DUSP22: variants seen among roughly 807,000 people sequenced by gnomAD.
The protein encoded by DUSP22 is dual specificity phosphatase 22, also known as dual specificity protein phosphatase 22.
In DUSP22, 24 loss-of-function variants were observed where a neutral mutation model predicts 24.5. That is an observed-to-expected ratio of 0.98 (90% CI 0.71 to 1.38). DUSP22 has a LOEUF of 1.38. Ranked by LOEUF, DUSP22 falls within the 40% of genes most tolerant of loss-of-function variation. DUSP22 has a pLI of 0.00. For missense variants in DUSP22, 330 were observed against 269.2 expected (o/e 1.23, Z -1.58); for synonymous variants, 160 against 106.4 (o/e 1.50, Z -3.10).
Position 311,967 on chromosome 6 carries a change from G to T in DUSP22, c.138+5G>T. 6.2e-7 allele frequency: 1 copy of T among 1,610,498 alleles called. No homozygotes were observed. Among genetic ancestry groups the T allele is most frequent in the South Asian group, 1.1e-5 (1 of 90,682 alleles). ...AGTGCCAGGCCTATGTTGGAGGTAA[G>T]AGAGCACCGTGGGGCGTGTGTGGGT... On this transcript the variant is annotated splice_donor_5th_base_variant and intron_variant, in intron 3 of 6. Coordinates refer to ENST00000419235, the MANE Select transcript of DUSP22 (RefSeq NM_001286555.3).
chr6:350,470 C>T lies in DUSP22; in HGVS notation c.*1519C>T, dbSNP rs1760143205. ...CTCTGAATTCCACCACAAAAAGAGA[C>T]CCTGAATAAGAAGAGCAGTTTTCCT... On this transcript the variant is annotated 3_prime_UTR_variant, in exon 7 of 7. Coordinates refer to ENST00000419235, the MANE Select transcript of DUSP22 (RefSeq NM_001286555.3). 1.7e-6 allele frequency: 2 copies of T among 1,162,044 alleles called. No individual in the cohort carries two copies. Among genetic ancestry groups the T allele is most frequent in the African/African-American group, 1.6e-5 (1 of 62,614 alleles). The allele number at this position is 1,162,044 out of a possible 1,614,324, so 72.0% of individuals were successfully genotyped here.
Position 335,265 on chromosome 6 carries a change from G to T in DUSP22, c.188+102G>T, listed in dbSNP as rs111233466. ...GACTGTGAAGTTGTCAGAGCTCACG[G>T]GACCCTTGCTGACCCTGCCAGGGAA... is the stretch of plus-strand genomic sequence containing the variant. On this transcript the variant is annotated intron_variant, in intron 4 of 6. Transcript: ENST00000419235. 11 of 1,456,898 alleles carry T rather than the reference G, an allele frequency of 7.6e-6. No individual in the cohort carries two copies. The African/African-American group carries it at 1.1e-4, about 15-fold the overall frequency. The allele number at this position is 1,456,898 out of a possible 1,614,324, so 90.2% of individuals were successfully genotyped here.
At chr6:343,960 G>C (rs916562844) in intron 4 of DUSP22, among the ~76,000 whole-genome samples, 4 of 152,308 alleles carry the variant, frequency 2.6e-5, no homozygotes, top group Admixed American at 2.0e-4. Context: ...GGCAACTTTT[G>C]CTGTTTTATA....
chr6:344,604 G>A (rs1759769175), intron 4 of DUSP22, among the ~76,000 whole-genome samples: 1 of 152,302 alleles, frequency 6.6e-6, no homozygotes, highest in Non-Finnish European at 1.5e-5. Flanking sequence ...TAGGACTTCA[G>A]AGTTTGCAGA....
Position 297,374 on chromosome 6 carries a change from G to A in DUSP22, c.21+4814G>A, listed in dbSNP as rs566308569. Among the ~76,000 whole-genome samples, 34 of 152,416 alleles carry A rather than the reference G, an allele frequency of 2.2e-4. No homozygotes were observed. In the South Asian group the frequency reaches 2.7e-3, roughly 12 times the overall value. On this transcript the variant is annotated intron_variant, in intron 1 of 6. Coordinates refer to ENST00000419235, the MANE Select transcript of DUSP22 (RefSeq NM_001286555.3). Reference sequence around the variant, plus strand: ...GTCTGTTTTGAGTGTTCTTGGATGTGACTGACACTTGTTTGAGGATGGCTC... The same window carrying A: ...GTCTGTTTTGAGTGTTCTTGGATGTAACTGACACTTGTTTGAGGATGGCTC...
At chr6:332,827 G>A (rs1759197400) in intron 3 of DUSP22, among the ~76,000 whole-genome samples, 1 of 152,300 alleles carries the variant, frequency 6.6e-6, no homozygotes, top group African/African-American at 2.4e-5. Context: ...GGGAACTTGA[G>A]GCTCCTTCTG....
intron 2 of DUSP22, among the ~76,000 whole-genome samples, chr6:305,678 T>C (rs1279924030): frequency 1.3e-5 from 2 of 152,308 alleles, no homozygotes; most frequent in South Asian, 4.1e-4. Flanking sequence ...CCAGGTGACC[T>C]TCAGAGTTTG....
intron 1 of DUSP22, among the ~76,000 whole-genome samples, chr6:293,620 T>C (rs988981490): frequency 1.3e-5 from 2 of 152,262 alleles, no homozygotes; most frequent in African/African-American, 4.8e-5. Flanking sequence ...GGTTTGGGTG[T>C]TGGGGCTGGA....
intron 4 of DUSP22, among the ~76,000 whole-genome samples, chr6:343,697 T>TTGCATGTGCATGTTTGCATGTGGATGCA (rs1759724628): frequency 5.9e-5 from 9 of 152,308 alleles, no homozygotes; most frequent in Admixed American, 2.0e-4. Flanking sequence ...GTGTGCATGT[T>TTGCATGTGCATGTTTGCATGTGGATGCA]TGCATGTGGA....
chr6:349,223 AC>A lies in DUSP22; in HGVS notation c.*273del. 1 of 1,382,620 alleles carries A rather than the reference AC, an allele frequency of 7.2e-7. No homozygotes were observed. Among genetic ancestry groups the A allele is most frequent in the Non-Finnish European group, 9.4e-7 (1 of 1,067,600 alleles). The allele number at this position is 1,382,620 out of a possible 1,614,324, so 85.6% of individuals were successfully genotyped here. Reference sequence around the variant, plus strand: ...TGTGCACGTGCGTGTGTGTGAGTGCACTTGTGTGTGGGTGACTAAGTGGATG... The same window carrying A: ...TGTGCACGTGCGTGTGTGTGAGTGCATTGTGTGTGGGTGACTAAGTGGATG... On this transcript the variant is annotated 3_prime_UTR_variant, in exon 7 of 7. Coordinates refer to ENST00000419235, the MANE Select transcript of DUSP22 (RefSeq NM_001286555.3).
At chr6:298,119 G>A (rs955221195) in intron 1 of DUSP22, among the ~76,000 whole-genome samples, 1 of 152,422 alleles carries the variant, frequency 6.6e-6, no homozygotes, top group Non-Finnish European at 1.5e-5. Flanking sequence ...ACCACCCCCC[G>A]AGGGCTCTCT....
Position 349,087 on chromosome 6 carries a change from A to G in DUSP22, c.*136A>G, listed in dbSNP as rs1267611069. On this transcript the variant is annotated 3_prime_UTR_variant, in exon 7 of 7. Coordinates refer to ENST00000419235, the MANE Select transcript of DUSP22 (RefSeq NM_001286555.3). ...AGGTGGGGCGAGGGCTCCTTCCCCCAAGCAACACCGCCCAGCCCTGCTCCA... is the reference window on the plus strand; with the variant it reads ...AGGTGGGGCGAGGGCTCCTTCCCCCGAGCAACACCGCCCAGCCCTGCTCCA... 8.2e-6 allele frequency: 12 copies of G among 1,466,900 alleles called. No individual in the cohort carries two copies. In the Admixed American group the frequency reaches 1.6e-4, roughly 20 times the overall value. The allele number at this position is 1,466,900 out of a possible 1,614,324, so 90.9% of individuals were successfully genotyped here.
At chr6:328,203 G>C (rs1405071773) in intron 3 of DUSP22, among the ~76,000 whole-genome samples, 3 of 152,306 alleles carry the variant, frequency 2.0e-5, no homozygotes, top group African/African-American at 7.2e-5. Context: ...GGTCCCAAGT[G>C]ACTGCTGAAA....
At chr6:345,597 T>G (rs1759824612) in intron 4 of DUSP22, among the ~76,000 whole-genome samples, 1 of 152,302 alleles carries the variant, frequency 6.6e-6, no homozygotes, top group Non-Finnish European at 1.5e-5. Flanking sequence ...AAGAGAAGCT[T>G]TTGAATGTTA....
At chr6:332,917 T>C (rs1377583668) in intron 3 of DUSP22, among the ~76,000 whole-genome samples, 1 of 152,302 alleles carries the variant, frequency 6.6e-6, no homozygotes, top group Non-Finnish European at 1.5e-5. Context: ...TCTGGACTGA[T>C]CGACTGCCAA....
chr6:334,483 G>T (rs1368870795), intron 3 of DUSP22, among the ~76,000 whole-genome samples: 1 of 152,274 alleles, frequency 6.6e-6, no homozygotes, highest in Non-Finnish European at 1.5e-5. Flanking sequence ...TTTTATAGAG[G>T]AGTATATGAA....
intron 3 of DUSP22, among the ~76,000 whole-genome samples, chr6:330,316 A>C (rs1759086290): frequency 6.6e-6 from 1 of 152,308 alleles, no homozygotes; most frequent in East Asian, 1.9e-4. Context: ...GCAGGGATCC[A>C]GTTCTGTCCT....
At chr6:343,301 G>A (rs1009848393) in intron 4 of DUSP22, among the ~76,000 whole-genome samples, 2 of 152,306 alleles carry the variant, frequency 1.3e-5, no homozygotes, top group Admixed American at 6.5e-5. Flanking sequence ...CTGCTGGTCT[G>A]CAACTTGCCT....
In DUSP22 at chr6:320,628, G is replaced by A. The variant is rs538627728; in HGVS notation, c.138+8666G>A. On this transcript the variant is annotated intron_variant, in intron 3 of 6. Transcript: ENST00000419235. ...GTCCACGCAAGGGCTGCATGGTCAT[G>A]GGCTGGGAGATTTGGGGAAGACTTT... Among the ~76,000 whole-genome samples, 4 of 152,424 alleles carry A rather than the reference G, an allele frequency of 2.6e-5. No homozygotes were observed. In the South Asian group the frequency reaches 8.3e-4, roughly 32 times the overall value.
Sources: gnomAD v4.1 joint callset for allele counts (sites outside exome capture counted in the v4.1 genomes callset) on GRCh38, gnomAD v4.1.1 for gene constraint, MANE v1.5 for transcripts, NCBI Gene and HGNC (gene_info 2026-07-23, HGNC 2026-07-21) for gene names.